MAK: variants seen among roughly 807,000 people sequenced by gnomAD.
The protein encoded by MAK is serine/threonine-protein kinase MAK.
MAK carries 65 observed loss-of-function variants against 82.6 expected under a neutral mutation model. The ratio of observed to expected loss-of-function variants is 0.79; its 90% CI spans 0.64 to 0.97. The LOEUF (loss-of-function observed/expected upper bound fraction) is 0.97. Among genes scored for constraint, MAK ranks in the 50% least tolerant of loss-of-function variants. The pLI, the probability that MAK is intolerant of heterozygous loss-of-function variation, is 0.00. For synonymous variants in MAK, 250 were observed against 274.2 expected (o/e 0.91, Z 0.87); for missense variants, 703 against 780.2 (o/e 0.90, Z 1.18).
At chr6:10,810,120 G>GAAAAGA (rs1396974080) in intron 5 of MAK, among the ~76,000 whole-genome samples, 5 of 124,690 alleles carry the variant, frequency 4.0e-5, no homozygotes, top group African/African-American at 1.2e-4. Flanking sequence ...AAAAAAGAAA[G>GAAAAGA]AAAAGAAAAA....
At chr6:10,813,111 TATATATATATATATATATATATAAA>T (rs1561987090) in intron 5 of MAK, among the ~76,000 whole-genome samples, 145 of 2,486 alleles carry the variant, frequency 0.058, 12 homozygotes, top group African/African-American at 0.14. Context: ...TATATATATA[TATATATATATATATATATATATAAA>T]TTTTTTTTTT....
chr6:10,824,936 C>A (rs1562002440), intron 2 of MAK, among the ~76,000 whole-genome samples: 1 of 152,204 alleles, frequency 6.6e-6, no homozygotes, highest in Non-Finnish European at 1.5e-5. Context: ...CATTTCCAGC[C>A]CCTTTCCTTC....
chr6:10,807,658 G>C (rs1776597864), intron 6 of MAK, among the ~76,000 whole-genome samples: 1 of 151,762 alleles, frequency 6.6e-6, no homozygotes, highest in African/African-American at 2.4e-5. Context: ...ATATGTTCTT[G>C]TTTTCACTGG....
At position 10,800,941 on chromosome 6, in the gene MAK, A is replaced by T. The variant is rs774135684; in HGVS notation, c.831+951T>A. Among the ~76,000 whole-genome samples the T allele has an allele frequency of 1.3e-4, 20 of 152,170 alleles. No individual in the cohort carries two copies. Among genetic ancestry groups the T allele is most frequent in the Non-Finnish European group, 2.6e-4 (18 of 68,032 alleles). On this transcript the variant is annotated intron_variant, in intron 8 of 14. Transcript: ENST00000354489. This position sits in a 1 kb window ranked among gnomAD's most constrained non-coding sequence, Gnocchi z 4.2. ...TCCCTAAGAGCTAATGAATTTTCCC[A>T]GTATCACCCACTGAGCCGTCCTCCC...
intron 13 of MAK, 57 bp from the exon 14 acceptor site, chr6:10,770,287 A>G: frequency 1.9e-6 from 3 of 1,569,246 alleles, no homozygotes; most frequent in Non-Finnish European, 2.6e-6. Flanking sequence ...GGCACAGTAG[A>G]ATAACATTGA....
chr6:10,786,488 C>T (rs548418741), intron 10 of MAK, among the ~76,000 whole-genome samples: 37 of 135,246 alleles, frequency 2.7e-4, no homozygotes, highest in African/African-American at 1.1e-3. Context: ...TCCACTAATG[C>T]ACCAGTTCAC....
intron 10 of MAK, among the ~76,000 whole-genome samples, chr6:10,786,339 G>C (rs1198884867): frequency 2.0e-5 from 3 of 152,176 alleles, no homozygotes; most frequent in Non-Finnish European, 4.4e-5. Flanking sequence ...GGAGGCCCTG[G>C]CTGCCTGAGA....
At chr6:10,804,299 T>A (rs887122655) in intron 6 of MAK, among the ~76,000 whole-genome samples, 1 of 152,158 alleles carries the variant, frequency 6.6e-6, no homozygotes, top group African/African-American at 2.4e-5. Context: ...AGTTTTTTTT[T>A]ATCAGTTTGA....
intron 1 of MAK, among the ~76,000 whole-genome samples, chr6:10,834,779 AATT>A (rs151044006): frequency 2.0e-5 from 3 of 151,680 alleles, no homozygotes; most frequent in Admixed American, 6.6e-5. Context: ...CTCTCATGAA[AATT>A]ATTATTATTA....
Position 10,818,105 on chromosome 6 carries a change from T to G in MAK, c.157-134A>C, listed in dbSNP as rs1269395886. 3 of 507,630 alleles carry G rather than the reference T, an allele frequency of 5.9e-6. No homozygotes were observed. The Admixed American group carries it at 1.0e-4, about 17-fold the overall frequency. 31.4% of individuals were successfully genotyped at this position (507,630 alleles called of 1,614,324 possible). ...TCCTGGGTTCATTAATTAATTACAT[T>G]TTAATATCTACATAATTGCTTTAAG... is the stretch of plus-strand genomic sequence containing the variant. On this transcript the variant is annotated intron_variant, in intron 3 of 14. Transcript: ENST00000354489.
Position 10,804,148 on chromosome 6 carries a change from TGAATAGATATGG to T in MAK, c.492-269_492-258del, listed in dbSNP as rs1455114914. Among the ~76,000 whole-genome samples the T allele has an allele frequency of 3.3e-5, 5 of 152,266 alleles. No individual in the cohort carries two copies. The South Asian group carries it at 6.2e-4, about 19-fold the overall frequency. On this transcript the variant is annotated intron_variant, in intron 6 of 14. Coordinates refer to ENST00000354489, the MANE Select transcript of MAK (RefSeq NM_001242957.3). ...ATCAAGCCTAAGACAGGAACTCAACTGAATAGATATGGAAATAAGTGCCATCTGATATATTAA... is the reference window on the plus strand; with the variant it reads ...ATCAAGCCTAAGACAGGAACTCAACTAAATAAGTGCCATCTGATATATTAA...
chr6:10,808,677 C>G (rs776343104), intron 6 of MAK, 133 bp downstream of exon 6: 180 of 945,240 alleles, frequency 1.9e-4, no homozygotes, highest in Non-Finnish European at 2.7e-4. Flanking sequence ...CCTTCGCTTT[C>G]TTTAAAGAAT....
At chr6:10,795,174 G>A (rs1029970493) in intron 9 of MAK, among the ~76,000 whole-genome samples, 21 of 151,498 alleles carry the variant, frequency 1.4e-4, no homozygotes, top group Admixed American at 9.2e-4. Flanking sequence ...ATTTTAGGCC[G>A]GGCTTGGTGG....
intron 10 of MAK, among the ~76,000 whole-genome samples, chr6:10,787,309 A>AT (rs1374994408): frequency 6.6e-6 from 1 of 152,256 alleles, no homozygotes; most frequent in Non-Finnish European, 1.5e-5. Flanking sequence ...TTCAGCTCCT[A>AT]TTGCTAAAGA....
At chr6:10,794,438 T>G (rs1775340347) in intron 9 of MAK, among the ~76,000 whole-genome samples, 1 of 152,090 alleles carries the variant, frequency 6.6e-6, no homozygotes, top group African/African-American at 2.4e-5. Context: ...ACATAAGAAG[T>G]AATTAACAGT....
At chr6:10,818,104 T>TATTGC (rs1777633769) in intron 3 of MAK, 133 bp from the exon 4 acceptor site, 4 of 507,136 alleles carry the variant, frequency 7.9e-6, no homozygotes, top group East Asian at 3.8e-5. Context: ...ATTAATTACA[T>TATTGC]TTTAATATCT....
chr6:10,782,830 G>A (rs1428757696), intron 11 of MAK, among the ~76,000 whole-genome samples: 2 of 152,020 alleles, frequency 1.3e-5, no homozygotes, highest in South Asian at 2.1e-4. Context: ...CGCCCACCTC[G>A]GCCTCCCAAA....
intron 11 of MAK, among the ~76,000 whole-genome samples, chr6:10,782,992 C>T (rs1774144194): frequency 6.6e-6 from 1 of 152,164 alleles, no homozygotes; most frequent in African/African-American, 2.4e-5. Flanking sequence ...TCTTGTTTGC[C>T]ATGCCCCATC....
At position 10,762,739 on chromosome 6, in the gene MAK, T is replaced by A. The variant is rs1772074298; in HGVS notation, c.*1713A>T. ...ACACACTAGTTAGCCATATTTTTTT[T>A]AATGCCTATTCAGAGTTTAAAAGTG... On this transcript the variant is annotated 3_prime_UTR_variant, in exon 15 of 15. Transcript: ENST00000354489. The A allele has an allele frequency of 6.6e-6, 1 of 152,592 alleles. No individual in the cohort carries two copies. Among genetic ancestry groups the A allele is most frequent in the South Asian group, 2.1e-4 (1 of 4,826 alleles). 9.5% of individuals were successfully genotyped at this position (152,592 alleles called of 1,614,324 possible).
Sources: gnomAD v4.1 joint callset for allele counts (sites outside exome capture counted in the v4.1 genomes callset) on GRCh38, gnomAD v4.1.1 for gene constraint, Gnocchi (gnomAD v3.1) non-coding constraint, MANE v1.5 for transcripts, NCBI Gene and HGNC (gene_info 2026-07-23, HGNC 2026-07-21) for gene names.